USP32: variants seen among roughly 807,000 people sequenced by gnomAD.
The protein encoded by USP32 is ubiquitin carboxyl-terminal hydrolase 32.
USP32 carries 59 observed loss-of-function variants against 204.8 expected under a neutral mutation model. The ratio of observed to expected loss-of-function variants is 0.29; its 90% CI spans 0.23 to 0.36. The LOEUF (loss-of-function observed/expected upper bound fraction) is 0.36, where lower values mean the gene tolerates loss of function less well. USP32 is among the 10% of genes least tolerant of loss of function. USP32 has a pLI of 1.00. For synonymous variants in USP32, 517 were observed against 678.4 expected (o/e 0.76, Z 3.70); for missense variants, 1,160 against 1,946.4 (o/e 0.60, Z 7.60).
chr17:60,406,447 G>A (rs1267698592), intron 1 of USP32, among the ~76,000 whole-genome samples: 1 of 152,124 alleles, frequency 6.6e-6, no homozygotes, highest in East Asian at 1.9e-4. Flanking sequence ...CTAAAGTGCT[G>A]GGATCACAGG....
At chr17:60,345,745 G>T in intron 1 of USP32, 137 bp from the exon 2 acceptor site, 1 of 1,084,388 alleles carries the variant, frequency 9.2e-7, no homozygotes, top group Non-Finnish European at 1.3e-6. Flanking sequence ...ACTTTGGAAG[G>T]CCAAGGCAGG....
chr17:60,233,737 CCCA>C (rs2085636745), intron 12 of USP32, among the ~76,000 whole-genome samples: 1 of 152,044 alleles, frequency 6.6e-6, no homozygotes, highest in African/African-American at 2.4e-5. Flanking sequence ...TTACATTTCC[CCCA>C]CCTTATTAAT....
At chr17:60,369,152 G>A (rs1164408536) in intron 1 of USP32, among the ~76,000 whole-genome samples, 2 of 142,628 alleles carry the variant, frequency 1.4e-5, no homozygotes, top group East Asian at 2.0e-4. Context: ...CCGCCACTAC[G>A]CCCGGCTAAT....
In USP32 at chr17:60,297,895, G is replaced by A. The variant is rs181110013; in HGVS notation, c.293-3094C>T. Reference sequence around the variant, plus strand: ...CCTACTGATTCCTGTTCCACAAGCCGTAACTACAGCTTTGACTGGACAAGA... The same window carrying A: ...CCTACTGATTCCTGTTCCACAAGCCATAACTACAGCTTTGACTGGACAAGA... On this transcript the variant is annotated intron_variant, in intron 3 of 33. Coordinates refer to ENST00000300896, the MANE Select transcript of USP32 (RefSeq NM_032582.4). 3.0e-3 allele frequency among the ~76,000 whole-genome samples: 456 copies of A among 152,234 alleles called. 4 individuals carry two copies. The highest frequency in any genetic ancestry group is 3.4e-3 in the Middle Eastern group (1 of 294).
In USP32 at chr17:60,198,391, A is replaced by C; in HGVS notation, c.3303T>G (p.Phe1101Leu). The C allele has an allele frequency of 6.2e-7, 1 of 1,614,140 alleles. No individual in the cohort carries two copies. Among genetic ancestry groups the C allele is most frequent in the Non-Finnish European group, 8.5e-7 (1 of 1,180,004 alleles). ...TACATGGAACAATCAATGGCATTCC[A>C]AAGAGGCTGGGGCGATTCTTCTGAG... Reference protein sequence around the residue: ...LSSQKNRPSLFGMPLIVPCTV... With the variant: ...LSSQKNRPSLLGMPLIVPCTV... Residue 1101 changes from phenylalanine to leucine, a missense_variant, in exon 27 of 34, where the codon TTT becomes TTG. Transcript: ENST00000300896.
chr17:60,258,490 C>T, intron 9 of USP32: 1 of 156,674 alleles, frequency 6.4e-6, no homozygotes. Context: ...TCCCTTTGAC[C>T]AATCTGCATC....
intron 2 of USP32, among the ~76,000 whole-genome samples, chr17:60,311,266 T>C (rs1373016481): frequency 5.3e-5 from 8 of 152,294 alleles, no homozygotes; most frequent in East Asian, 1.9e-4. Context: ...GTATCTATTA[T>C]GCAACCCTAA....
chr17:60,278,767 GAGA>G (rs2086897511), intron 5 of USP32, among the ~76,000 whole-genome samples: 1 of 152,226 alleles, frequency 6.6e-6, no homozygotes, highest in Non-Finnish European at 1.5e-5. Context: ...ACATTTCAAA[GAGA>G]AGATGACTTG....
At chr17:60,349,826 C>G (rs992204456) in intron 1 of USP32, among the ~76,000 whole-genome samples, 1 of 149,762 alleles carries the variant, frequency 6.7e-6, no homozygotes, top group Non-Finnish European at 1.5e-5. Context: ...TTATTGTATA[C>G]ATTTAGAATA....
chr17:60,378,892 T>A (rs963081848), intron 1 of USP32, among the ~76,000 whole-genome samples: 3 of 152,078 alleles, frequency 2.0e-5, no homozygotes, highest in Admixed American at 6.5e-5. Context: ...GTACATTTTT[T>A]AAAATAGTTC....
chr17:60,379,677 G>C (rs1204255054), intron 1 of USP32, among the ~76,000 whole-genome samples: 3 of 152,200 alleles, frequency 2.0e-5, no homozygotes, highest in African/African-American at 7.2e-5. Flanking sequence ...ATAAACTTCA[G>C]TCACATTGCT....
chr17:60,247,008 C>T (rs2086044463), intron 11 of USP32, among the ~76,000 whole-genome samples: 1 of 152,104 alleles, frequency 6.6e-6, no homozygotes. Context: ...TTGACTGTTT[C>T]CTTTGCTGTA....
At chr17:60,418,099 T>C (rs956236580) in intron 1 of USP32, among the ~76,000 whole-genome samples, 1 of 152,048 alleles carries the variant, frequency 6.6e-6, no homozygotes, top group Non-Finnish European at 1.5e-5. Flanking sequence ...GCTGGGATTA[T>C]AGGCATGTGC....
Position 60,392,032 on chromosome 17 carries a change from G to GT in USP32, c.-94dup. On this transcript the variant is annotated 5_prime_UTR_variant, in exon 1 of 34. Coordinates refer to ENST00000300896, the MANE Select transcript of USP32 (RefSeq NM_032582.4). ...TCGGCGTCCCTGGGTGACGGTGACGGTGTCGGCGTCCCCCGCCCCCACCTC... is the reference window on the plus strand; with the variant it reads ...TCGGCGTCCCTGGGTGACGGTGACGGTTGTCGGCGTCCCCCGCCCCCACCTC... The GT allele has an allele frequency of 7.0e-7, 1 of 1,425,960 alleles. No homozygotes were observed. Among genetic ancestry groups the GT allele is most frequent in the Non-Finnish European group, 9.5e-7 (1 of 1,049,224 alleles). 88.3% of individuals were successfully genotyped at this position (1,425,960 alleles called of 1,614,324 possible). A position where few individuals can be genotyped will look rare whatever the true frequency, so the allele number is the denominator to read the frequency against.
intron 11 of USP32, among the ~76,000 whole-genome samples, chr17:60,247,824 C>T (rs922246821): frequency 6.6e-6 from 1 of 152,160 alleles, no homozygotes; most frequent in Non-Finnish European, 1.5e-5. Flanking sequence ...GCTGGGACTA[C>T]AGGCATGTGC....
intron 9 of USP32, 41 bp from the exon 10 acceptor site, chr17:60,255,299 T>A: frequency 4.3e-5 from 11 of 254,970 alleles, no homozygotes; most frequent in Non-Finnish European, 7.0e-5. Flanking sequence ...CTTTTTTTTC[T>A]TTTTTTTTTT....
At chr17:60,383,299 T>C (rs535504024) in intron 1 of USP32, among the ~76,000 whole-genome samples, 1 of 152,234 alleles carries the variant, frequency 6.6e-6, no homozygotes, top group East Asian at 1.9e-4. Flanking sequence ...AAAAGAAATT[T>C]TGAGGTGGAT....
At chr17:60,325,097 C>G (rs1211155287) in intron 2 of USP32, among the ~76,000 whole-genome samples, 1 of 151,902 alleles carries the variant, frequency 6.6e-6, no homozygotes, top group Non-Finnish European at 1.5e-5. Context: ...ATTTTTAAAA[C>G]AAGGAAAAAC....
intron 11 of USP32, among the ~76,000 whole-genome samples, chr17:60,243,997 T>C (rs1160263123): frequency 1.3e-5 from 2 of 151,918 alleles, no homozygotes; most frequent in East Asian, 3.8e-4. Context: ...TTCAACCTAT[T>C]TGTGCCTTTG....
Sources: allele counts gnomAD v4.1 joint callset (sites outside exome capture counted in the v4.1 genomes callset), GRCh38; gene constraint gnomAD v4.1.1; transcripts MANE v1.5; gene names NCBI Gene and HGNC (gene_info 2026-07-23, HGNC 2026-07-21).